CNOT8: variants seen among roughly 807,000 people sequenced by gnomAD.
CNOT8 encodes the protein CAF1-like protein.
Under a neutral mutation model 34.6 loss-of-function variants are expected in CNOT8, and 18 were observed. The ratio of observed to expected loss-of-function variants is 0.52; its 90% CI spans 0.36 to 0.77. The LOEUF is 0.77. Among genes scored for constraint, CNOT8 ranks in the 30% least tolerant of loss-of-function variants. CNOT8 has a pLI of 0.00. For missense variants in CNOT8, 189 were observed against 347.9 expected (o/e 0.54, Z 3.63); for synonymous variants, 101 against 118.8 (o/e 0.85, Z 0.98).
chr5:154,872,475 C>T (rs1024365527), intron 5 of CNOT8, 66 bp from the exon 6 acceptor site: 1 of 964,960 alleles, frequency 1.0e-6, no homozygotes, highest in African/African-American at 1.6e-5. Flanking sequence ...CATAACTGCA[C>T]TTAGTTGGCT....
At position 154,869,182 on chromosome 5, in the gene CNOT8, C is replaced by G. The variant is rs575337289; in HGVS notation, c.312-1479C>G. Among the ~76,000 whole-genome samples, 4 of 152,016 alleles carry G rather than the reference C, an allele frequency of 2.6e-5. No homozygotes were observed. The South Asian group carries it at 8.3e-4, about 32-fold the overall frequency. On this transcript the variant is annotated intron_variant, in intron 3 of 6. Coordinates refer to ENST00000285896, the MANE Select transcript of CNOT8 (RefSeq NM_001301073.2). Reference sequence around the variant, plus strand: ...TTGCCCAGGCTGGAGTGTGATGGCGCTTTCTCAGCTCACTGCAACCTCTGC... The same window carrying G: ...TTGCCCAGGCTGGAGTGTGATGGCGGTTTCTCAGCTCACTGCAACCTCTGC...
intron 5 of CNOT8, 46 bp downstream of exon 5, chr5:154,871,920 A>C (rs770341873): frequency 6.4e-7 from 1 of 1,555,578 alleles, no homozygotes; most frequent in Admixed American, 1.8e-5. Context: ...GAAGGACAGA[A>C]AAAAAGCTGA....
intron 1 of CNOT8, among the ~76,000 whole-genome samples, chr5:154,861,608 T>A (rs1315975963): frequency 6.6e-6 from 1 of 152,250 alleles, no homozygotes; most frequent in Non-Finnish European, 1.5e-5. Flanking sequence ...AAATTTTCTT[T>A]AAATATATAC....
intron 6 of CNOT8, among the ~76,000 whole-genome samples, chr5:154,874,947 C>T (rs557001678): frequency 2.9e-4 from 44 of 150,486 alleles, no homozygotes; most frequent in African/African-American, 1.0e-3. Flanking sequence ...ATGGAGTCTT[C>T]GCTATGTTGC....
chr5:154,867,405 A>G (rs907691478), intron 3 of CNOT8, among the ~76,000 whole-genome samples: 1 of 152,282 alleles, frequency 6.6e-6, no homozygotes, highest in South Asian at 2.1e-4. Context: ...AGTCTTTTAG[A>G]TAATCATCTG....
intron 2 of CNOT8, among the ~76,000 whole-genome samples, chr5:154,863,608 T>G (rs1761568584): frequency 6.6e-6 from 1 of 152,134 alleles, no homozygotes; most frequent in Admixed American, 6.5e-5. Flanking sequence ...CTCACCTTCT[T>G]ATATGGATGG....
intron 2 of CNOT8, among the ~76,000 whole-genome samples, chr5:154,863,823 C>T (rs146820088): frequency 1.3e-5 from 2 of 152,120 alleles, no homozygotes; most frequent in East Asian, 3.9e-4. Flanking sequence ...TTACGTCATC[C>T]CCTAGGGCCC....
intron 6 of CNOT8, among the ~76,000 whole-genome samples, chr5:154,875,085 T>G (rs973351112): frequency 6.6e-6 from 1 of 151,916 alleles, no homozygotes; most frequent in African/African-American, 2.4e-5. Flanking sequence ...CCCGGCTCAT[T>G]TTTGTACTTT....
chr5:154,862,082 T>G (rs1004150191), intron 1 of CNOT8, among the ~76,000 whole-genome samples: 3 of 152,200 alleles, frequency 2.0e-5, no homozygotes, highest in African/African-American at 7.2e-5. Flanking sequence ...TGTTGAATTT[T>G]TTTCTCACAG....
At chr5:154,873,660 G>A (rs138131800) in intron 6 of CNOT8, among the ~76,000 whole-genome samples, 4 of 152,220 alleles carry the variant, frequency 2.6e-5, no homozygotes, top group African/African-American at 4.8e-5. Flanking sequence ...TTTGAGGACC[G>A]GATCAGATTA....
At chr5:154,872,095 C>A (rs957184982) in intron 5 of CNOT8, among the ~76,000 whole-genome samples, 1 of 152,156 alleles carries the variant, frequency 6.6e-6, no homozygotes, top group African/African-American at 2.4e-5. Context: ...TTAAGGCAGG[C>A]ATTCTTCACT....
In CNOT8 at chr5:154,863,407, T is replaced by G; in HGVS notation, c.117+12T>G. On this transcript the variant is annotated intron_variant, in intron 2 of 6. Coordinates refer to ENST00000285896, the MANE Select transcript of CNOT8 (RefSeq NM_001301073.2). Reference sequence around the variant, plus strand: ...GTTATATTGCCATGGTAAGGAGCTCTACTCTGACTCACCTTCTTTGTCACT... The same window carrying G: ...GTTATATTGCCATGGTAAGGAGCTCGACTCTGACTCACCTTCTTTGTCACT... 208 of 1,549,672 alleles carry G rather than the reference T, an allele frequency of 1.3e-4. No individual in the cohort carries two copies. The highest frequency in any genetic ancestry group is 1.6e-4 in the Non-Finnish European group (185 of 1,121,652).
chr5:154,864,333 G>A (rs1041375619), intron 2 of CNOT8, among the ~76,000 whole-genome samples: 1 of 152,002 alleles, frequency 6.6e-6, no homozygotes, highest in Non-Finnish European at 1.5e-5. Context: ...GGTGGTGGGC[G>A]CCTGTAGTCC....
intron 3 of CNOT8, among the ~76,000 whole-genome samples, chr5:154,870,125 C>A (rs985596553): frequency 9.2e-5 from 14 of 152,124 alleles, no homozygotes; most frequent in African/African-American, 2.9e-4. Flanking sequence ...GTGTGAGTCC[C>A]CTCCAGTTCT....
intron 6 of CNOT8, among the ~76,000 whole-genome samples, chr5:154,875,043 A>C (rs1762819607): frequency 6.6e-6 from 1 of 151,674 alleles, no homozygotes; most frequent in African/African-American, 2.4e-5. Context: ...CAGCCTCCCA[A>C]GTAGCTGGGA....
chr5:154,861,280 A>G (rs577716408), intron 1 of CNOT8, among the ~76,000 whole-genome samples: 74 of 152,330 alleles, frequency 4.9e-4, no homozygotes, highest in Non-Finnish European at 9.7e-4. Context: ...AACAAAAACA[A>G]GAGAAGAAAT....
intron 4 of CNOT8, 46 bp from the exon 5 acceptor site, chr5:154,871,684 C>G: frequency 6.3e-7 from 1 of 1,594,098 alleles, no homozygotes. Flanking sequence ...ACACTGGGGC[C>G]TGATAACCAC....
intron 6 of CNOT8, among the ~76,000 whole-genome samples, chr5:154,872,941 G>A (rs989775360): frequency 1.8e-4 from 28 of 152,164 alleles, no homozygotes; most frequent in African/African-American, 6.5e-4. Context: ...ACTAATTTTT[G>A]TATTTTTAGT....
At chr5:154,865,931 G>A (rs1476898579) in intron 3 of CNOT8, among the ~76,000 whole-genome samples, 9 of 152,136 alleles carry the variant, frequency 5.9e-5, no homozygotes, top group African/African-American at 1.4e-4. Flanking sequence ...TGATAGACAC[G>A]TGGGTTTTTT....
Sources: allele counts gnomAD v4.1 joint callset (sites outside exome capture counted in the v4.1 genomes callset), GRCh38; gene constraint gnomAD v4.1.1; transcripts MANE v1.5; gene names NCBI Gene and HGNC (gene_info 2026-07-23, HGNC 2026-07-21).